BICRA: variants seen among roughly 807,000 people sequenced by gnomAD.
BICRA encodes the protein BRD4-interacting chromatin-remodeling complex-associated protein.
BICRA carries 31 observed loss-of-function variants against 96.9 expected under a neutral mutation model. That is an observed-to-expected ratio of 0.32 (90% CI 0.24 to 0.43). The LOEUF (loss-of-function observed/expected upper bound fraction) is 0.43, where lower values mean the gene tolerates loss of function less well. BICRA is among the 20% of genes least tolerant of loss of function. The pLI, the probability that BICRA is intolerant of heterozygous loss-of-function variation, is 1.00. For synonymous variants in BICRA, 1,350 were observed against 1,071.8 expected, an observed-to-expected ratio of 1.26 and a Z score of -5.07; for missense variants, 2,283 against 2,190.3, an observed-to-expected ratio of 1.04 and a Z score of -0.84.
At chr19:47,647,578 TA>T (rs1188192355) in intron 1 of BICRA, among the ~76,000 whole-genome samples, 1 of 152,064 alleles carries the variant, frequency 6.6e-6, no homozygotes, top group Non-Finnish European at 1.5e-5. Context: ...TCCTGTTAGG[TA>T]ACAGGAAAAA....
chr19:47,629,770 G>A (rs1972193747), intron 1 of BICRA, among the ~76,000 whole-genome samples: 1 of 152,086 alleles, frequency 6.6e-6, no homozygotes, highest in Non-Finnish European at 1.5e-5. Flanking sequence ...TGATTCCTCT[G>A]CCTCAGCTTC....
In BICRA at chr19:47,680,485, C is replaced by G; in HGVS notation, c.1315C>G (p.Pro439Ala). 1 of 1,540,642 alleles carries G rather than the reference C, an allele frequency of 6.5e-7. No individual in the cohort carries two copies. Among genetic ancestry groups the G allele is most frequent in the Non-Finnish European group, 8.7e-7 (1 of 1,144,896 alleles). ...ATTTGAAPPQ[P>A]PGALSKPMSV... is the part of the protein sequence containing the mutation. ...CACCACCGGAGCGGCCCCGCCGCAG[C>G]CCCCCGGGGCCCTGAGCAAACCCAT... Residue 439 changes from proline (P) to alanine (A), a missense_variant, in exon 6 of 15, where the codon CCC (proline) becomes GCC (alanine). Coordinates refer to ENST00000594866, the MANE Select transcript of BICRA (RefSeq NM_001394372.1).
chr19:47,680,889 G>A lies in BICRA; in HGVS notation c.1719G>A (p.Ala573=), dbSNP rs1474602084. ...GCCTGCCCACGCAGAGCCAGCCAGC[G>A]CCCGCCGGGCCGGCCGCCACCACTG... ...AGSLPTQSQP[A]PAGPAATTVL... Residue 573 remains alanine, a synonymous_variant, in exon 6 of 15, where the codon GCG becomes GCA. Coordinates refer to ENST00000594866, the MANE Select transcript of BICRA (RefSeq NM_001394372.1). 15 of 1,463,992 alleles carry A rather than the reference G, an allele frequency of 1.0e-5. No individual in the cohort carries two copies. Among genetic ancestry groups the A allele is most frequent in the African/African-American group, 7.3e-5 (5 of 68,940 alleles). 90.7% of individuals were successfully genotyped at this position (1,463,992 alleles called of 1,614,324 possible).
chr19:47,693,183 G>A (rs1422152842), intron 7 of BICRA, among the ~76,000 whole-genome samples: 3 of 152,232 alleles, frequency 2.0e-5, no homozygotes, highest in Non-Finnish European at 4.4e-5. Context: ...CACAGCTGGT[G>A]CCCACTGGTT....
Position 47,681,080 on chromosome 19 carries a change from T to C in BICRA, c.1910T>C (p.Leu637Pro), listed in dbSNP as rs1249578820. 7.3e-7 allele frequency: 1 copy of C among 1,362,526 alleles called. No individual in the cohort carries two copies. The highest frequency in any genetic ancestry group is 9.5e-7 in the Non-Finnish European group (1 of 1,049,488). The allele number at this position is 1,362,526 out of a possible 1,614,324, so 84.4% of individuals were successfully genotyped here. ...CCCGCGGTCAGCACACCCCTGCCCC[T>C]GGGCCTCCAGCAGCCGCAGGCGCAG... ...APPAVSTPLP[L>P]GLQQPQAQQP... The change falls in exon 6 of 15, where the codon CTG becomes CCG. Residue 637 changes from leucine (L) to proline (P), a missense_variant. By Grantham distance (98) the Leu-to-Pro change is moderately conservative. Transcript: ENST00000594866.
rs778552943 is a variant in BICRA at position 47,701,453 on chromosome 19, C to T, written c.3721C>T (p.His1241Tyr). 1.0e-5 allele frequency: 16 copies of T among 1,567,270 alleles called. No homozygotes were observed. Among genetic ancestry groups the T allele is most frequent in the African/African-American group, 1.4e-5 (1 of 73,670 alleles). The part of the protein sequence containing the change: ...APGASTQPPP[H>Y]LPTKLVIRHG... Reference sequence around the variant, plus strand: ...CGGGGCCTCCACCCAGCCCCCTCCACACCTGCCCACCAAGCTTGTGATCCG... The same window carrying T: ...CGGGGCCTCCACCCAGCCCCCTCCATACCTGCCCACCAAGCTTGTGATCCG... Residue 1241 changes from histidine (H) to tyrosine (Y), a missense_variant, in exon 15 of 15, where the codon CAC becomes TAC. Physicochemically the swap from His to Tyr is moderately conservative, Grantham distance 83. Transcript: ENST00000594866. The surrounding 1 kb of genome is among the most constrained non-coding windows in gnomAD (Gnocchi z 5.4).
In BICRA at chr19:47,694,732, G is replaced by A. The variant is rs887890091; in HGVS notation, c.2895+6G>A. 39 of 1,400,716 alleles carry A rather than the reference G, an allele frequency of 2.8e-5. No homozygotes were observed. The highest frequency in any genetic ancestry group is 3.5e-5 in the Non-Finnish European group (35 of 1,010,778). The allele number at this position is 1,400,716 out of a possible 1,614,324, so 86.8% of individuals were successfully genotyped here. On this transcript the variant is annotated splice_donor_region_variant and intron_variant, in intron 8 of 14. Coordinates refer to ENST00000594866, the MANE Select transcript of BICRA (RefSeq NM_001394372.1). ...TTCTCGAGAGATTTCACCAGGTAAC[G>A]GGAGGCAGGGACTGCCCGCCCCATC...
At chr19:47,626,219 C>T (rs1312019223) in intron 1 of BICRA, 1 of 152,162 alleles carries the variant, frequency 6.6e-6, no homozygotes, top group Non-Finnish European at 1.5e-5. Flanking sequence ...GCATCAGCTC[C>T]TTCACTCACA....
intron 1 of BICRA, among the ~76,000 whole-genome samples, chr19:47,630,442 G>C (rs1301184315): frequency 6.6e-6 from 1 of 152,006 alleles, no homozygotes. Context: ...AAAGTGCTGG[G>C]ATTACAGGTG....
In BICRA at chr19:47,679,955, A is replaced by C; in HGVS notation, c.785A>C (p.Tyr262Ser). Reference sequence around the variant, plus strand: ...GCCAAGCAGGTGCCCGTCAGCGGCTACCTGGCCTCGGCGGCTGGCCCCTCG... The same window carrying C: ...GCCAAGCAGGTGCCCGTCAGCGGCTCCCTGGCCTCGGCGGCTGGCCCCTCG... The part of the protein sequence containing the change: ...LLAKQVPVSG[Y>S]LASAAGPSEP... The change falls in exon 6 of 15, where the codon TAC becomes TCC. Residue 262 changes from tyrosine to serine, a missense_variant. Coordinates refer to ENST00000594866, the MANE Select transcript of BICRA (RefSeq NM_001394372.1). 6.7e-7 allele frequency: 1 copy of C among 1,499,376 alleles called. No individual in the cohort carries two copies. Among genetic ancestry groups the C allele is most frequent in the Non-Finnish European group, 8.8e-7 (1 of 1,131,136 alleles). 92.9% of individuals were successfully genotyped at this position (1,499,376 alleles called of 1,614,324 possible). A position where few individuals can be genotyped will look rare whatever the true frequency, so the allele number is the denominator to read the frequency against.
At chr19:47,692,865 C>T (rs1973262154) in intron 7 of BICRA, among the ~76,000 whole-genome samples, 1 of 152,158 alleles carries the variant, frequency 6.6e-6, no homozygotes. Context: ...TGGCTGTCCT[C>T]GGGCAGATAT....
chr19:47,609,866 T>C (rs1036947548), intron 1 of BICRA, among the ~76,000 whole-genome samples: 2 of 151,190 alleles, frequency 1.3e-5, no homozygotes, highest in Admixed American at 1.3e-4. Context: ...CCCTAAACAA[T>C]GAAAGGAGTT....
intron 2 of BICRA, among the ~76,000 whole-genome samples, chr19:47,672,128 GTA>G (rs1972875326): frequency 7.8e-6 from 1 of 128,284 alleles, no homozygotes; most frequent in Admixed American, 7.7e-5. Flanking sequence ...GGATGGGTAG[GTA>G]GATGGATGGA....
At chr19:47,694,083 G>GGCCCCCC in intron 7 of BICRA, 32 bp from the exon 8 acceptor site, 1 of 1,093,876 alleles carries the variant, frequency 9.1e-7, no homozygotes, top group South Asian at 2.2e-5. Flanking sequence ...TCTGACCCCC[G>GGCCCCCC]CCCCTCCCCT....
chr19:47,684,405 C>T (rs779005874), intron 7 of BICRA, among the ~76,000 whole-genome samples: 1 of 152,140 alleles, frequency 6.6e-6, no homozygotes, highest in East Asian at 1.9e-4. Context: ...TGGTCTCAAA[C>T]GCCTGACCTC....
intron 1 of BICRA, among the ~76,000 whole-genome samples, chr19:47,621,395 T>G (rs2974226): frequency 0.88 from 133,166 of 151,918 alleles, 58,500 homozygotes; most frequent in African/African-American, 0.91. Context: ...CCTGATGTCT[T>G]CCCAGTGCTT....
At chr19:47,687,303 A>C (rs771202095) in intron 7 of BICRA, among the ~76,000 whole-genome samples, 1 of 152,168 alleles carries the variant, frequency 6.6e-6, no homozygotes, top group Non-Finnish European at 1.5e-5. Context: ...AAGTCACGAA[A>C]TAGTATTCTT....
In BICRA at chr19:47,679,441, G is replaced by C; in HGVS notation, c.271G>C (p.Gly91Arg). ...GGGCTCTCCTGCGACAGGGGGCGGC[G>C]GCGGGGGCAGTGGGGGCGCTGACCA... The part of the protein sequence containing the change: ...ILGSPATGGG[G>R]GGSGGADQPC... Residue 91 changes from glycine (G) to arginine (R), a missense_variant, in exon 6 of 15, where the codon GGC becomes CGC. Transcript: ENST00000594866. 1 of 1,497,136 alleles carries C rather than the reference G, an allele frequency of 6.7e-7. No homozygotes were observed. Among genetic ancestry groups the C allele is most frequent in the Non-Finnish European group, 8.9e-7 (1 of 1,121,980 alleles). 92.7% of individuals were successfully genotyped at this position (1,497,136 alleles called of 1,614,324 possible). A position where few individuals can be genotyped will look rare whatever the true frequency, so the allele number is the denominator to read the frequency against.
chr19:47,680,301 G>T lies in BICRA; in HGVS notation c.1131G>T (p.Thr377=). The change falls in exon 6 of 15, where the codon ACG becomes ACT. Residue 377 remains threonine, a synonymous_variant. Coordinates refer to ENST00000594866, the MANE Select transcript of BICRA (RefSeq NM_001394372.1). ...TPKPFAPAGA[T]LTIQGEPGAL... is the part of the protein sequence containing the mutation. ...AGCCGTTTGCGCCCGCGGGCGCCAC[G>T]CTCACCATCCAGGGCGAGCCGGGGG... The T allele has an allele frequency of 1.3e-6, 2 of 1,554,140 alleles. No individual in the cohort carries two copies. The highest frequency in any genetic ancestry group is 1.7e-6 in the Non-Finnish European group (2 of 1,158,584).
Sources: allele counts gnomAD v4.1 joint callset (sites outside exome capture counted in the v4.1 genomes callset), GRCh38; gene constraint gnomAD v4.1.1; non-coding constraint Gnocchi (gnomAD v3.1); transcripts MANE v1.5; gene names NCBI Gene and HGNC (gene_info 2026-07-23, HGNC 2026-07-21).